RALYL: variants seen among roughly 807,000 people sequenced by gnomAD.
The protein encoded by RALYL is RNA-binding Raly-like protein.
In RALYL, 29 loss-of-function variants were observed where a neutral mutation model predicts 35.1. The ratio of observed to expected loss-of-function variants is 0.83; its 90% CI spans 0.61 to 1.13. The LOEUF is 1.13. RALYL is among the 50% of genes most tolerant of loss of function. The pLI is 0.00. For synonymous variants in RALYL, 120 were observed against 127.6 expected (o/e 0.94, Z 0.40); for missense variants, 359 against 360.4 (o/e 1.00, Z 0.03).
chr8:84,456,274 G>A (rs765640369), intron 1 of RALYL, among the ~76,000 whole-genome samples: 3 of 151,924 alleles, frequency 2.0e-5, no homozygotes, highest in Non-Finnish European at 2.9e-5. Context: ...GCAATCATAT[G>A]CCTTTTCTAA....
intron 1 of RALYL, among the ~76,000 whole-genome samples, chr8:84,372,428 C>T (rs1855903259): frequency 6.6e-6 from 1 of 151,950 alleles, no homozygotes; most frequent in African/African-American, 2.4e-5. Context: ...GTAGCAGCAG[C>T]AGTAGCCTGC....
At chr8:84,897,524 T>C (rs1844959281) in intron 8 of RALYL, among the ~76,000 whole-genome samples, 1 of 152,174 alleles carries the variant, frequency 6.6e-6, no homozygotes, top group Non-Finnish European at 1.5e-5. Context: ...CTTATGGCTT[T>C]CTTTTTTTTA....
At chr8:84,563,394 AAAG>A (rs2061583792) in intron 2 of RALYL, among the ~76,000 whole-genome samples, 1 of 151,880 alleles carries the variant, frequency 6.6e-6, no homozygotes, top group African/African-American at 2.4e-5. Flanking sequence ...ATCTTCTAGG[AAAG>A]AAGAACTGGA....
chr8:84,274,036 T>G (rs1834861166), intron 1 of RALYL, among the ~76,000 whole-genome samples: 1 of 152,194 alleles, frequency 6.6e-6, no homozygotes, highest in Admixed American at 6.5e-5. Flanking sequence ...TTAAATTAAA[T>G]TGGCAAAAAA....
chr8:84,735,005 T>TG (rs1846968478), intron 2 of RALYL, among the ~76,000 whole-genome samples: 5 of 146,570 alleles, frequency 3.4e-5, no homozygotes, highest in Admixed American at 6.9e-5. Flanking sequence ...ATAGATATGT[T>TG]TGTGTGTGTG....
intron 1 of RALYL, among the ~76,000 whole-genome samples, chr8:84,358,610 C>T (rs1469582252): frequency 1.3e-5 from 2 of 151,886 alleles, no homozygotes; most frequent in Non-Finnish European, 1.5e-5. Flanking sequence ...TATGTGAAGC[C>T]TAGAATACTG....
At chr8:84,860,968 T>C (rs1837985105) in intron 5 of RALYL, among the ~76,000 whole-genome samples, 1 of 152,204 alleles carries the variant, frequency 6.6e-6, no homozygotes, top group South Asian at 2.1e-4. Context: ...TAACTTTTAT[T>C]ATATTTCATA....
At chr8:84,802,128 G>A (rs868568749) in intron 3 of RALYL, among the ~76,000 whole-genome samples, 14 of 152,240 alleles carry the variant, frequency 9.2e-5, no homozygotes, top group African/African-American at 2.9e-4. Flanking sequence ...ACTTGTTGCC[G>A]TAGCACAAAG....
intron 1 of RALYL, among the ~76,000 whole-genome samples, chr8:84,470,740 C>T (rs1281400205): frequency 6.6e-6 from 1 of 152,138 alleles, no homozygotes; most frequent in Non-Finnish European, 1.5e-5. Flanking sequence ...TGTTCCAGAG[C>T]CTGCCTCTTT....
chr8:84,504,720 T>G (rs1424546320), intron 1 of RALYL, among the ~76,000 whole-genome samples: 1 of 152,174 alleles, frequency 6.6e-6, no homozygotes, highest in African/African-American at 2.4e-5. Flanking sequence ...ACATAATGTA[T>G]GTGATATGAT....
chr8:84,299,456 C>T (rs901981995), intron 1 of RALYL, among the ~76,000 whole-genome samples: 8 of 151,672 alleles, frequency 5.3e-5, no homozygotes, highest in Middle Eastern at 3.4e-3. Context: ...CTGCTTGTTT[C>T]GGTATCAGGA....
At chr8:84,276,507 T>C (rs1835407085) in intron 1 of RALYL, among the ~76,000 whole-genome samples, 1 of 152,200 alleles carries the variant, frequency 6.6e-6, no homozygotes, top group East Asian at 1.9e-4. Flanking sequence ...AGAAAGCTGT[T>C]ATCTCCATTT....
intron 1 of RALYL, among the ~76,000 whole-genome samples, chr8:84,510,731 A>G (rs2057544004): frequency 1.3e-5 from 2 of 151,870 alleles, no homozygotes; most frequent in Admixed American, 1.3e-4. Flanking sequence ...AATTGCTTGA[A>G]CCTGGGAGGT....
chr8:84,428,226 T>C (rs551939929), intron 1 of RALYL, among the ~76,000 whole-genome samples: 1 of 152,254 alleles, frequency 6.6e-6, no homozygotes, highest in African/African-American at 2.4e-5. Flanking sequence ...AGTTATAGTT[T>C]TCTTTTGCTT....
intron 1 of RALYL, among the ~76,000 whole-genome samples, chr8:84,202,367 ATTTTTT>A (rs1187950600): frequency 8.8e-6 from 1 of 113,446 alleles, no homozygotes; most frequent in Non-Finnish European, 1.8e-5. Flanking sequence ...TATTGAAGGG[ATTTTTT>A]TTTTTTTTTT....
At chr8:84,565,994 T>C (rs1431901566) in intron 2 of RALYL, among the ~76,000 whole-genome samples, 1 of 151,622 alleles carries the variant, frequency 6.6e-6, no homozygotes, top group Non-Finnish European at 1.5e-5. Flanking sequence ...CCTTAGTACA[T>C]TGGACACAAA....
intron 1 of RALYL, among the ~76,000 whole-genome samples, chr8:84,395,954 A>G (rs889570536): frequency 2.0e-5 from 3 of 151,994 alleles, no homozygotes; most frequent in African/African-American, 7.2e-5. Flanking sequence ...ATAGAATAAT[A>G]TCTAATTTGA....
intron 1 of RALYL, among the ~76,000 whole-genome samples, chr8:84,353,481 T>A (rs1563777713): frequency 6.6e-6 from 1 of 150,578 alleles, no homozygotes; most frequent in East Asian, 1.9e-4. Context: ...TGCAGCTTCG[T>A]AAAATTCATC....
chr8:84,456,132 C>A (rs1055647771), intron 1 of RALYL, among the ~76,000 whole-genome samples: 48 of 152,092 alleles, frequency 3.2e-4, no homozygotes, highest in African/African-American at 1.2e-3. Flanking sequence ...ACCAATGGGG[C>A]AGAGAGACAA....
Sources: allele counts gnomAD v4.1 joint callset (sites outside exome capture counted in the v4.1 genomes callset), GRCh38; gene constraint gnomAD v4.1.1; transcripts MANE v1.5; gene names NCBI Gene and HGNC (gene_info 2026-07-23, HGNC 2026-07-21).